The following STPG2 variants were observed in gnomAD, a reference collection of about 807,000 sequenced individuals.
The protein encoded by STPG2 is sperm tail PG-rich repeat containing 2.
In STPG2, 56 loss-of-function variants were observed where a neutral mutation model predicts 54.2. The observed-to-expected ratio is 1.03, with a 90% CI of 0.83 to 1.29. The LOEUF (loss-of-function observed/expected upper bound fraction) is 1.29, where lower values mean the gene tolerates loss of function less well. Ranked by LOEUF, STPG2 falls within the 50% of genes most tolerant of loss-of-function variation. STPG2 has a pLI of 0.00. For missense variants in STPG2, 596 were observed against 544.9 expected (o/e 1.09, Z -0.93); for synonymous variants, 200 against 181.8 (o/e 1.10, Z -0.81).
At chr4:97,650,542 T>C (rs1722036259) in intron 10 of STPG2, among the ~76,000 whole-genome samples, 1 of 152,062 alleles carries the variant, frequency 6.6e-6, no homozygotes, top group Admixed American at 6.6e-5. Flanking sequence ...TAGTTGACAA[T>C]TGGTCGAGTT....
intron 8 of STPG2, among the ~76,000 whole-genome samples, chr4:97,874,078 A>G (rs1730089768): frequency 6.6e-6 from 1 of 151,664 alleles, no homozygotes. Flanking sequence ...TTTGCAGTGA[A>G]GAATTTTCCA....
intron 9 of STPG2, among the ~76,000 whole-genome samples, chr4:97,803,305 A>G (rs1727452533): frequency 6.6e-6 from 1 of 152,236 alleles, no homozygotes; most frequent in South Asian, 2.1e-4. Context: ...AAGTTACTCC[A>G]TGTATTTCAA....
intron 8 of STPG2, among the ~76,000 whole-genome samples, chr4:97,904,579 C>T (rs1731323950): frequency 6.6e-6 from 1 of 152,218 alleles, no homozygotes; most frequent in South Asian, 2.1e-4. Flanking sequence ...CGCAGTTCCT[C>T]ACCAGCAACG....
At chr4:97,446,151 A>T (rs1026125581) in intron 4 of STPG2, among the ~76,000 whole-genome samples, 2 of 152,222 alleles carry the variant, frequency 1.3e-5, no homozygotes, top group Admixed American at 1.3e-4. Flanking sequence ...TGACTAAAGC[A>T]TAACATTACA....
chr4:98,139,345 G>A lies in STPG2; in HGVS notation c.109+3697C>T, dbSNP rs149865351. On this transcript the variant is annotated intron_variant, in intron 1 of 10. Coordinates refer to ENST00000295268, the MANE Select transcript of STPG2 (RefSeq NM_174952.3). ...GGGACAGTGGGAGAACAGCAGTTAG[G>A]AGAGAACGGTTGGAAATAAAGAGTA... is the stretch of plus-strand genomic sequence containing the variant. Among the ~76,000 whole-genome samples the A allele has an allele frequency of 4.2e-3, 644 of 152,284 alleles. 3 individuals carry two copies. The highest frequency in any genetic ancestry group is 0.025 in the South Asian group (121 of 4,830).
intron 5 of STPG2, among the ~76,000 whole-genome samples, chr4:98,050,996 C>A (rs1737301947): frequency 6.8e-6 from 1 of 148,038 alleles, no homozygotes; most frequent in African/African-American, 2.5e-5. Flanking sequence ...CACAGAGAGA[C>A]TCCATCTCAA....
At chr4:97,800,664 C>T (rs914786277) in intron 9 of STPG2, among the ~76,000 whole-genome samples, 5 of 152,130 alleles carry the variant, frequency 3.3e-5, no homozygotes, top group Non-Finnish European at 5.9e-5. Flanking sequence ...GTCCATTCTC[C>T]GATCTCAAAC....
chr4:97,627,369 TA>T, intron 10 of STPG2, among the ~76,000 whole-genome samples: 1 of 152,186 alleles, frequency 6.6e-6, no homozygotes, highest in Non-Finnish European at 1.5e-5. Flanking sequence ...AAAAAATATT[TA>T]TTTTAGTAAA....
chr4:97,521,179 A>G (rs1336774263), intron 4 of STPG2, among the ~76,000 whole-genome samples: 1 of 152,106 alleles, frequency 6.6e-6, no homozygotes, highest in Non-Finnish European at 1.5e-5. Context: ...TTCCATGATC[A>G]GTGTGTCATG....
Position 97,785,706 on chromosome 4 carries a change from C to G in STPG2, c.1204+55067G>C, listed in dbSNP as rs529252772. Among the ~76,000 whole-genome samples the G allele has an allele frequency of 3.3e-5, 5 of 152,090 alleles. No individual in the cohort carries two copies. The South Asian group carries it at 1.0e-3, about 32-fold the overall frequency. ...AAAACAAAAACAACAACAAAAATATCTTCGTTCCCACCTGGCTCCAGACCT... is the reference window on the plus strand; with the variant it reads ...AAAACAAAAACAACAACAAAAATATGTTCGTTCCCACCTGGCTCCAGACCT... On this transcript the variant is annotated intron_variant, in intron 9 of 10. Transcript: ENST00000295268.
At chr4:97,905,483 T>C (rs1038293725) in intron 8 of STPG2, among the ~76,000 whole-genome samples, 1 of 151,896 alleles carries the variant, frequency 6.6e-6, no homozygotes, top group African/African-American at 2.4e-5. Flanking sequence ...GAACAACCGG[T>C]ACCAGCCACT....
rs1240661688 is a variant in STPG2, at chr4:98,142,997, G to A, written c.109+45C>T. The A allele has an allele frequency of 3.3e-5, 50 of 1,526,574 alleles. No individual in the cohort carries two copies. In the East Asian group the frequency reaches 1.2e-3, roughly 35 times the overall value. The allele number at this position is 1,526,574 out of a possible 1,614,324, so 94.6% of individuals were successfully genotyped here. A position where few individuals can be genotyped will look rare whatever the true frequency, so the allele number is the denominator to read the frequency against. ...GCACGCAGAAGCGGAGCAGGCTGAA[G>A]ATAGGATGCCTGTCACAGGAGCTCT... On this transcript the variant is annotated intron_variant, in intron 1 of 10. Coordinates refer to ENST00000295268, the MANE Select transcript of STPG2 (RefSeq NM_174952.3).
chr4:97,810,122 T>C (rs969044940), intron 9 of STPG2, among the ~76,000 whole-genome samples: 1 of 152,088 alleles, frequency 6.6e-6, no homozygotes, highest in Admixed American at 6.6e-5. Context: ...TAACAAAAAA[T>C]GTTCTTTTTG....
chr4:97,755,156 A>C (rs1355999558), intron 9 of STPG2, among the ~76,000 whole-genome samples: 1 of 152,180 alleles, frequency 6.6e-6, no homozygotes, highest in Admixed American at 6.6e-5. Context: ...CATTTCTCTA[A>C]TAAATAACTA....
intron 5 of STPG2, among the ~76,000 whole-genome samples, chr4:97,983,320 T>C (rs898330233): frequency 6.6e-6 from 1 of 152,228 alleles, no homozygotes; most frequent in East Asian, 1.9e-4. Flanking sequence ...AAAATATGTG[T>C]TATTTGACTA....
intron 4 of STPG2, among the ~76,000 whole-genome samples, chr4:97,529,256 T>C (rs149815427): frequency 0.017 from 2,620 of 152,302 alleles, 67 homozygotes; most frequent in African/African-American, 0.058. Flanking sequence ...ATTTTTGTCA[T>C]TGGTTCTGTT....
At chr4:98,018,748 T>G (rs1343986636) in intron 5 of STPG2, among the ~76,000 whole-genome samples, 3 of 151,972 alleles carry the variant, frequency 2.0e-5, no homozygotes, top group African/African-American at 7.3e-5. Flanking sequence ...TGGTTTTGAT[T>G]TGCATTTCCC....
At chr4:97,781,828 A>C (rs1726634279) in intron 9 of STPG2, among the ~76,000 whole-genome samples, 1 of 152,212 alleles carries the variant, frequency 6.6e-6, no homozygotes, top group African/African-American at 2.4e-5. Flanking sequence ...CCAAAGAAAA[A>C]AACCACAGGA....
At chr4:98,121,573 G>T (rs1739680402) in intron 3 of STPG2, among the ~76,000 whole-genome samples, 1 of 152,144 alleles carries the variant, frequency 6.6e-6, no homozygotes, top group African/African-American at 2.4e-5. Context: ...TTGAGCAGAG[G>T]TTTGTAGTTC....
Sources: gnomAD v4.1 joint callset for allele counts (sites outside exome capture counted in the v4.1 genomes callset) on GRCh38, gnomAD v4.1.1 for gene constraint, MANE v1.5 for transcripts, NCBI Gene and HGNC (gene_info 2026-07-23, HGNC 2026-07-21) for gene names.